Variants in MDK observed in about 807,000 individuals in gnomAD.
The protein encoded by MDK is amphiregulin-associated protein.
MDK carries 17 observed loss-of-function variants against 18.9 expected under a neutral mutation model. That is an observed-to-expected ratio of 0.90 (90% CI 0.62 to 1.35). The LOEUF (loss-of-function observed/expected upper bound fraction) is 1.35, where lower values mean the gene tolerates loss of function less well. MDK is among the 40% of genes most tolerant of loss of function. The pLI is 0.00. For missense variants in MDK, 180 were observed against 186.3 expected, an observed-to-expected ratio of 0.97 and a Z score of 0.20; for synonymous variants, 86 against 74.3, an observed-to-expected ratio of 1.16 and a Z score of -0.81.
Position 46,382,068 on chromosome 11 carries a change from G to T in MDK, c.11G>T (p.Arg4Leu). MQH[R>L]GFLLLTLLAL... Reference sequence around the variant, plus strand: ...GGCTCTCCCCTCAGGATGCAGCACCGAGGCTTCCTCCTCCTCACCCTCCTC... The same window carrying T: ...GGCTCTCCCCTCAGGATGCAGCACCTAGGCTTCCTCCTCCTCACCCTCCTC... The change falls in exon 2 of 5, where the codon CGA becomes CTA. Residue 4 changes from arginine to leucine, a missense_variant. Coordinates refer to ENST00000395566, the MANE Select transcript of MDK (RefSeq NM_002391.6). 1.2e-6 allele frequency: 2 copies of T among 1,608,484 alleles called. No homozygotes were observed. Among genetic ancestry groups the T allele is most frequent in the Non-Finnish European group, 1.7e-6 (2 of 1,178,188 alleles).
chr11:46,382,790 G>GGGCC (rs1945254785), intron 4 of MDK, 42 bp downstream of exon 4: 5 of 987,062 alleles, frequency 5.1e-6, no homozygotes, highest in East Asian at 3.8e-5. Context: ...GCGGGGGGCT[G>GGGCC]CCCCCCCCCC....
At chr11:46,382,911 G>A in intron 4 of MDK, 163 bp downstream of exon 4, 1 of 823,734 alleles carries the variant, frequency 1.2e-6, no homozygotes, top group Non-Finnish European at 2.0e-6. Context: ...GTCTGAAGAT[G>A]GGCACTACAA....
chr11:46,382,673 C>A lies in MDK; in HGVS notation c.331C>A (p.Arg111Ser). 1.9e-6 allele frequency: 3 copies of A among 1,613,034 alleles called. No homozygotes were observed. The highest frequency in any genetic ancestry group is 2.5e-6 in the Non-Finnish European group (3 of 1,179,898). ...KVRQGTLKKA[R>S]YNAQCQETIR... ...CCGCCAAGGCACCCTGAAGAAGGCGCGCTACAATGCTCAGTGCCAGGAGAC... is the reference window on the plus strand; with the variant it reads ...CCGCCAAGGCACCCTGAAGAAGGCGAGCTACAATGCTCAGTGCCAGGAGAC... The change falls in exon 4 of 5, where the codon CGC becomes AGC. Residue 111 changes from arginine to serine, a missense_variant. Physicochemically the swap from Arg to Ser is moderately radical, Grantham distance 110. Coordinates refer to ENST00000395566, the MANE Select transcript of MDK (RefSeq NM_002391.6).
upstream of MDK, chr11:46,381,637 G>A (rs1823512628): frequency 7.2e-6 from 1 of 138,618 alleles, no homozygotes; most frequent in African/African-American, 2.6e-5. Flanking sequence ...GGGGGGGTGG[G>A]GAGAGGGGGC....
chr11:46,381,850 G>T (rs912493115), intron 1 of MDK, 92 bp downstream of exon 1: 7 of 568,114 alleles, frequency 1.2e-5, no homozygotes, highest in Non-Finnish European at 2.2e-5. Flanking sequence ...CTGCGTCCTG[G>T]GCTCGAGGCG....
At chr11:46,383,127 T>A in intron 4 of MDK, 1 of 414,602 alleles carries the variant, frequency 2.4e-6, no homozygotes. Flanking sequence ...ACCCTGGGCC[T>A]CTCAGCTCAC....
chr11:46,381,986 G>A lies in MDK; in HGVS notation c.-1-71G>A, dbSNP rs931808027. On this transcript the variant is annotated intron_variant, in intron 1 of 4. Transcript: ENST00000395566. The stretch of plus-strand genomic sequence containing the variant: ...TGGAAAGTGGAGCACGCGGAGGTGG[G>A]AGGGCCCTGCACGCGGCCCCCGGTG... The A allele has an allele frequency of 1.6e-5, 24 of 1,473,022 alleles. No individual in the cohort carries two copies. In the Admixed American group the frequency reaches 2.2e-4, roughly 13 times the overall value. The allele number at this position is 1,473,022 out of a possible 1,614,324, so 91.2% of individuals were successfully genotyped here. A position where few individuals can be genotyped will look rare whatever the true frequency, so the allele number is the denominator to read the frequency against.
chr11:46,382,433 G>A lies in MDK; in HGVS notation c.216G>A (p.Val72=). Residue 72 remains valine, a synonymous_variant, in exon 3 of 5, where the codon GTG becomes GTA. Transcript: ENST00000395566. The part of the protein sequence containing the change: ...GAQTQRIRCR[V]PCNWKKEFGA... ...AGACCCAGCGCATCCGGTGCAGGGT[G>A]CCCTGCAACTGGAAGAAGGAGTTTG... is the stretch of plus-strand genomic sequence containing the variant. 6.5e-7 allele frequency: 1 copy of A among 1,529,678 alleles called. No individual in the cohort carries two copies. The highest frequency in any genetic ancestry group is 8.8e-7 in the Non-Finnish European group (1 of 1,138,008). 94.8% of individuals were successfully genotyped at this position (1,529,678 alleles called of 1,614,324 possible).
At chr11:46,382,889 C>A in intron 4 of MDK, 141 bp downstream of exon 4, 5 of 1,004,286 alleles carry the variant, frequency 5.0e-6, no homozygotes, top group Non-Finnish European at 6.0e-6. Context: ...CTTGGCTTCC[C>A]TGCCTGGAAA....
intron 4 of MDK, chr11:46,383,250 G>A: frequency 1.9e-6 from 1 of 513,714 alleles, no homozygotes; most frequent in Non-Finnish European, 3.5e-6. Context: ...CTGGAAACTT[G>A]AAGGTTTTCT....
At chr11:46,382,790 G>GGC (rs1945254785) in intron 4 of MDK, 42 bp downstream of exon 4, 5 of 987,054 alleles carry the variant, frequency 5.1e-6, no homozygotes, top group East Asian at 3.8e-5. Context: ...GCGGGGGGCT[G>GGC]CCCCCCCCCC....
rs746003322 is a variant in MDK, at chr11:46,382,140, G to A, written c.76+7G>A. ...GCGGTCGCCAAAAAGAAAGGTGATG[G>A]GGGATGATCGAAGGAGGGCTGGGGA... On this transcript the variant is annotated splice_region_variant and intron_variant, in intron 2 of 4. Coordinates refer to ENST00000395566, the MANE Select transcript of MDK (RefSeq NM_002391.6). The A allele has an allele frequency of 2.5e-6, 4 of 1,610,972 alleles. No homozygotes were observed. The highest frequency in any genetic ancestry group is 1.1e-5 in the South Asian group (1 of 90,698).
intron 4 of MDK, 148 bp from the exon 5 acceptor site, chr11:46,383,321 A>G (rs1306181467): frequency 4.1e-5 from 25 of 611,764 alleles, no homozygotes; most frequent in Non-Finnish European, 5.9e-5. Flanking sequence ...TGGCTGCCCC[A>G]TCCCCTGCTT....
At chr11:46,382,792 C>CT (rs1945256922) in intron 4 of MDK, 44 bp downstream of exon 4, 4 of 183,454 alleles carry the variant, frequency 2.2e-5, no homozygotes, top group Admixed American at 7.7e-5. Flanking sequence ...GGGGGGCTGC[C>CT]CCCCCCCCCC....
intron 2 of MDK, 45 bp downstream of exon 2, chr11:46,382,178 G>T (rs1237090324): frequency 1.9e-6 from 3 of 1,607,674 alleles, no homozygotes; most frequent in Non-Finnish European, 2.5e-6. Context: ...GGCAGGCGAG[G>T]CCCCTCCACT....
intron 4 of MDK, 109 bp downstream of exon 4, chr11:46,382,857 G>C (rs1945265335): frequency 7.6e-7 from 1 of 1,308,190 alleles, no homozygotes. Flanking sequence ...GTCCTGGCCA[G>C]TGGCTTCCTG....
intron 4 of MDK, 83 bp from the exon 5 acceptor site, chr11:46,383,386 C>T: frequency 1.9e-6 from 2 of 1,079,178 alleles, no homozygotes; most frequent in Non-Finnish European, 2.7e-6. Context: ...TTCCCTGATG[C>T]CCGGGTGTTT....
Position 46,382,346 on chromosome 11 carries a change from GC to G in MDK, c.132del (p.Cys45AlafsTer63). 6.2e-7 allele frequency: 1 copy of G among 1,602,340 alleles called. No homozygotes were observed. The highest frequency in any genetic ancestry group is 8.5e-7 in the Non-Finnish European group (1 of 1,175,944). On this transcript the variant is annotated frameshift_variant, in exon 3 of 5. Transcript: ENST00000395566. LOFTEE classifies it high-confidence loss of function. ...GSECAEWAWG[P>X]CTPSSKDCGV... is the part of the protein sequence containing the mutation. ...GCGAGTGCGCTGAGTGGGCCTGGGG[GC>G]CCTGCACCCCCAGCAGCAAGGATTG...
intron 4 of MDK, 64 bp from the exon 5 acceptor site, chr11:46,383,405 G>A (rs1034148933): frequency 4.8e-5 from 63 of 1,315,796 alleles, no homozygotes; most frequent in Non-Finnish European, 6.2e-5. Flanking sequence ...TTGTGGAGCC[G>A]GCGGTCTGCA....
Sources: allele counts gnomAD v4.1 joint callset, GRCh38; gene constraint gnomAD v4.1.1; transcripts MANE v1.5; gene names NCBI Gene and HGNC (gene_info 2026-07-23, HGNC 2026-07-21).